The following HDGFL3 variants were observed in gnomAD, a reference collection of about 807,000 sequenced individuals.
HDGFL3 encodes the protein HDGF like 3.
HDGFL3 carries 6 observed loss-of-function variants against 27.6 expected under a neutral mutation model. That is an observed-to-expected ratio of 0.22 (90% CI 0.12 to 0.43). The LOEUF is 0.43. Among genes scored for constraint, HDGFL3 ranks in the 20% least tolerant of loss-of-function variants. The pLI, the probability that HDGFL3 is intolerant of heterozygous loss-of-function variation, is 1.00. For synonymous variants in HDGFL3, 88 were observed against 88.9 expected (o/e 0.99, Z 0.05); for missense variants, 207 against 250.1 (o/e 0.83, Z 1.16).
chr15:83,163,234 A>G (rs1448600172), intron 2 of HDGFL3, among the ~76,000 whole-genome samples: 1 of 152,228 alleles, frequency 6.6e-6, no homozygotes, highest in Non-Finnish European at 1.5e-5. Context: ...GAACCTATCA[A>G]CTTAAGTGAA....
At position 83,146,330 on chromosome 15, in the gene HDGFL3, GTA is replaced by G. The variant is rs561902032; in HGVS notation, c.606+4883_606+4884del. On this transcript the variant is annotated intron_variant, in intron 5 of 5. Transcript: ENST00000299633. Reference sequence around the variant, plus strand: ...TGGCATTTAACACACAGGGCCATGGGTACTAAATGTCTTGTGATGTAGACAGT... The same window carrying G: ...TGGCATTTAACACACAGGGCCATGGGCTAAATGTCTTGTGATGTAGACAGT... Among the ~76,000 whole-genome samples the G allele has an allele frequency of 1.1e-4, 17 of 152,222 alleles. No homozygotes were observed. In the South Asian group the frequency reaches 3.1e-3, roughly 28 times the overall value.
rs762444481 is a variant in HDGFL3 at position 83,136,528 on chromosome 15, T to A, written c.*2742A>T. On this transcript the variant is annotated 3_prime_UTR_variant, in exon 6 of 6. Transcript: ENST00000299633. Reference sequence around the variant, plus strand: ...CATCTCTTCATGCTAGAACTGCTTATGTCTACAGAGTCCCTGAAGAAGCAA... The same window carrying A: ...CATCTCTTCATGCTAGAACTGCTTAAGTCTACAGAGTCCCTGAAGAAGCAA... The A allele has an allele frequency of 1.9e-6, 3 of 1,612,046 alleles. No individual in the cohort carries two copies. The highest frequency in any genetic ancestry group is 2.5e-6 in the Non-Finnish European group (3 of 1,179,490).
At position 83,115,752 on chromosome 15, in the gene HDGFL3, T is replaced by G. The variant is rs1347221662; in HGVS notation, c.394-11A>C. The G allele has an allele frequency of 5.7e-6, 5 of 871,794 alleles. No homozygotes were observed. In the African/African-American group the frequency reaches 6.6e-5, roughly 11 times the overall value. 54.0% of individuals were successfully genotyped at this position (871,794 alleles called of 1,614,324 possible). On this transcript the variant is annotated splice_polypyrimidine_tract_variant and intron_variant, in intron 3 of 3. Transcript: ENST00000568294. The stretch of plus-strand genomic sequence containing the variant: ...TGTCCACAGCATCTTCTGGAAAACA[T>G]GAAAAACATTCCATTATTATTAGCT...
intron 1 of HDGFL3, chr15:83,181,035 G>C (rs1020754304): frequency 6.6e-6 from 1 of 152,146 alleles, no homozygotes; most frequent in African/African-American, 2.4e-5. Context: ...TGAAATATCA[G>C]GCTGAGTTAT....
At chr15:83,146,138 G>A (rs549489283) in intron 5 of HDGFL3, among the ~76,000 whole-genome samples, 27 of 151,924 alleles carry the variant, frequency 1.8e-4, no homozygotes, top group South Asian at 4.2e-4. Flanking sequence ...TCAAACTCCT[G>A]ACCTCAGGTG....
At chr15:83,159,969 T>C (rs2037077883) in intron 2 of HDGFL3, among the ~76,000 whole-genome samples, 1 of 152,214 alleles carries the variant, frequency 6.6e-6, no homozygotes, top group African/African-American at 2.4e-5. Flanking sequence ...TTGGCTGCTG[T>C]ACTGAAAACA....
At chr15:83,158,747 A>G (rs544353693) in intron 2 of HDGFL3, among the ~76,000 whole-genome samples, 2 of 152,314 alleles carry the variant, frequency 1.3e-5, no homozygotes, top group Non-Finnish European at 2.9e-5. Flanking sequence ...GTTTCATACT[A>G]TCCACGGTTT....
At chr15:83,124,312 T>C (rs140867210), downstream of HDGFL3, among the ~76,000 whole-genome samples, 427 of 152,310 alleles carry the variant, frequency 2.8e-3, 3 homozygotes, top group African/African-American at 9.9e-3. Flanking sequence ...TGTATGTAAC[T>C]ATATCTATTT....
downstream of HDGFL3, chr15:83,126,933 C>T (rs2035810774): frequency 4.7e-6 from 5 of 1,055,114 alleles, no homozygotes; most frequent in Non-Finnish European, 7.0e-6. Flanking sequence ...TGGCTCACGC[C>T]TGTAATCCCA....
chr15:83,205,181 A>G (rs1307527492), intron 1 of HDGFL3, among the ~76,000 whole-genome samples: 1 of 152,214 alleles, frequency 6.6e-6, no homozygotes, highest in Admixed American at 6.5e-5. Context: ...TAGGTGTAAG[A>G]TGGGAATAAT....
intron 1 of HDGFL3, among the ~76,000 whole-genome samples, chr15:83,204,286 C>T (rs1278570730): frequency 1.3e-5 from 2 of 151,612 alleles, no homozygotes; most frequent in Admixed American, 6.6e-5. Flanking sequence ...TCAAACTCAC[C>T]GAATGGTACA....
exon 4 of HDGFL3, chr15:83,113,436 A>C (rs2034376085): frequency 6.5e-6 from 1 of 154,638 alleles, no homozygotes; most frequent in Admixed American, 6.4e-5. Flanking sequence ...GGAGATGCTA[A>C]GAAATGTGGC....
In HDGFL3 at chr15:83,195,797, G is replaced by A. The variant is rs1052876922; in HGVS notation, c.84+11534C>T. Among the ~76,000 whole-genome samples, 5 of 151,956 alleles carry A rather than the reference G, an allele frequency of 3.3e-5. 1 individual carries two copies. The highest frequency in any genetic ancestry group is 7.4e-5 in the Non-Finnish European group (5 of 67,924). On this transcript the variant is annotated intron_variant, in intron 1 of 5. Coordinates refer to ENST00000299633, the MANE Select transcript of HDGFL3 (RefSeq NM_016073.4). ...GAAAAAAGGGAAAAAAATCTCCTAG[G>A]AATGGTTAAAAAAATTAAGTTACAT...
At chr15:83,205,513 C>G (rs561938895) in intron 1 of HDGFL3, among the ~76,000 whole-genome samples, 1 of 152,278 alleles carries the variant, frequency 6.6e-6, no homozygotes, top group South Asian at 2.1e-4. Flanking sequence ...AGGACCACTT[C>G]CGTAGGATTT....
chr15:83,122,115 A>G (rs1161108195), intron 3 of HDGFL3: 11 of 888,774 alleles, frequency 1.2e-5, no homozygotes, highest in Non-Finnish European at 1.8e-5. Flanking sequence ...AAGCTTACTA[A>G]AAACCTGTTT....
At chr15:83,142,460 T>C (rs928065497) in intron 5 of HDGFL3, among the ~76,000 whole-genome samples, 1 of 151,986 alleles carries the variant, frequency 6.6e-6, no homozygotes, top group Non-Finnish European at 1.5e-5. Flanking sequence ...TGCTTATAAG[T>C]GGAAGCTAAA....
At chr15:83,188,863 TG>T (rs35970552) in intron 1 of HDGFL3, among the ~76,000 whole-genome samples, 91 of 152,204 alleles carry the variant, frequency 6.0e-4, no homozygotes, top group Non-Finnish European at 9.1e-4. Context: ...ACTCACATAT[TG>T]GGTGTCTCAC....
chr15:83,163,827 G>A (rs925893245), intron 2 of HDGFL3, 172 bp downstream of exon 2: 20 of 570,746 alleles, frequency 3.5e-5, no homozygotes, highest in Non-Finnish European at 5.6e-5. Context: ...TAGTCATAAA[G>A]ACTTCTATCA....
chr15:83,207,522 G>T lies in HDGFL3; in HGVS notation c.-108C>A. The T allele has an allele frequency of 1.1e-6, 1 of 893,520 alleles. No individual in the cohort carries two copies. The highest frequency in any genetic ancestry group is 1.5e-6 in the Non-Finnish European group (1 of 679,532). 55.3% of individuals were successfully genotyped at this position (893,520 alleles called of 1,614,324 possible). ...CGCGCTCCCCGCGGGCCTCAAGCCG[G>T]GCGGACGAGCGGCCGCTCCGACGAG... On this transcript the variant is annotated 5_prime_UTR_variant, in exon 1 of 6. Coordinates refer to ENST00000299633, the MANE Select transcript of HDGFL3 (RefSeq NM_016073.4). The surrounding 1 kb of genome is among the most constrained non-coding windows in gnomAD (Gnocchi z 4.8).
Sources: gnomAD v4.1 joint callset for allele counts (sites outside exome capture counted in the v4.1 genomes callset) on GRCh38, gnomAD v4.1.1 for gene constraint, Gnocchi (gnomAD v3.1) non-coding constraint, MANE v1.5 for transcripts, NCBI Gene and HGNC (gene_info 2026-07-23, HGNC 2026-07-21) for gene names.